Variants in SIRPB2 observed in about 807,000 individuals in gnomAD.
SIRPB2 encodes the protein signal regulatory protein beta 2, also known as signal-regulatory protein beta-2.
A neutral mutation model predicts 27.1 loss-of-function variants in SIRPB2; 18 were observed. That is an observed-to-expected ratio of 0.66 (90% CI 0.46 to 0.98). The LOEUF (loss-of-function observed/expected upper bound fraction) is 0.98, where lower values mean the gene tolerates loss of function less well. SIRPB2 is among the 50% of genes least tolerant of loss of function. The pLI is 0.00. For synonymous variants in SIRPB2, 150 were observed against 164.6 expected (o/e 0.91, Z 0.68); for missense variants, 420 against 417.4 (o/e 1.01, Z -0.06).
downstream of SIRPB2, among the ~76,000 whole-genome samples, chr20:1,474,346 G>A (rs1234504732): frequency 2.0e-5 from 3 of 152,172 alleles, no homozygotes; most frequent in African/African-American, 7.2e-5. Flanking sequence ...CTAATGTCTG[G>A]TAATTCAATA....
intron 3 of SIRPB2, 121 bp downstream of exon 3, chr20:1,478,145 A>G (rs1399954531): frequency 3.3e-6 from 3 of 917,192 alleles, no homozygotes; most frequent in Non-Finnish European, 5.2e-6. Flanking sequence ...TTCCAGGTAG[A>G]GGGAAAAACT....
chr20:1,484,606 A>G (rs1195853025), intron 1 of SIRPB2, among the ~76,000 whole-genome samples: 3 of 152,140 alleles, frequency 2.0e-5, no homozygotes, highest in African/African-American at 4.8e-5. Context: ...AATGCTCAAC[A>G]TTACTAATCA....
chr20:1,480,206 AAG>A (rs2090656133), intron 1 of SIRPB2, 141 bp from the exon 2 acceptor site: 1 of 1,170,804 alleles, frequency 8.5e-7, no homozygotes, highest in Non-Finnish European at 1.2e-6. Context: ...AGGGAAGGGA[AAG>A]AGGGGATGAG....
In SIRPB2 at chr20:1,478,625, G is replaced by T. The variant is rs766344350; in HGVS notation, c.452-18C>A. The T allele has an allele frequency of 6.5e-7, 1 of 1,530,584 alleles. No individual in the cohort carries two copies. Among genetic ancestry groups the T allele is most frequent in the East Asian group, 2.3e-5 (1 of 43,834 alleles). The allele number at this position is 1,530,584 out of a possible 1,614,324, so 94.8% of individuals were successfully genotyped here. ...CCCAGCTCCTGAAGCCAAAGAGGAG[G>T]TCCTTGTTGAATTCCCTCTCCTCTT... On this transcript the variant is annotated intron_variant, in intron 2 of 4. Transcript: ENST00000359801.
At chr20:1,482,233 T>C (rs1418058266) in intron 1 of SIRPB2, among the ~76,000 whole-genome samples, 7 of 152,326 alleles carry the variant, frequency 4.6e-5, no homozygotes, top group East Asian at 1.9e-4. Flanking sequence ...TTTCTATGTG[T>C]TGGGTACATT....
intron 1 of SIRPB2, among the ~76,000 whole-genome samples, chr20:1,481,106 T>C (rs941422950): frequency 2.1e-4 from 32 of 152,348 alleles, no homozygotes; most frequent in African/African-American, 7.5e-4. Flanking sequence ...TCACATGTAT[T>C]CCTTCTAAGA....
chr20:1,472,260 T>C (rs2090583026), downstream of SIRPB2, among the ~76,000 whole-genome samples: 1 of 152,194 alleles, frequency 6.6e-6, no homozygotes, highest in East Asian at 1.9e-4. Flanking sequence ...ACCCTTTCTA[T>C]CTGTGGTCAG....
intron 1 of SIRPB2, among the ~76,000 whole-genome samples, chr20:1,486,176 G>A (rs776190888): frequency 1.3e-5 from 2 of 151,182 alleles, no homozygotes; most frequent in Non-Finnish European, 2.9e-5. Flanking sequence ...AGGTTCAAGC[G>A]ATTCTCCTGC....
intron 1 of SIRPB2, among the ~76,000 whole-genome samples, chr20:1,487,968 A>C (rs2090742469): frequency 6.6e-6 from 1 of 152,246 alleles, no homozygotes; most frequent in Admixed American, 6.5e-5. Context: ...ACTAAACATA[A>C]AATGTTAAAC....
chr20:1,476,559 C>A, intron 4 of SIRPB2: 1 of 391,594 alleles, frequency 2.6e-6, no homozygotes, highest in Non-Finnish European at 3.5e-6. Context: ...ATCTCAGTCA[C>A]ATCCCTAACC....
Position 1,477,406 on chromosome 20 carries a change from G to T in SIRPB2, c.794-3C>A, listed in dbSNP as rs141844797. ...CTCTTTGGAAGAGGTAGATTTTGCT[G>T]CAAGGGAGAGAGGCTTTGTCATACT... On this transcript the variant is annotated splice_polypyrimidine_tract_variant and splice_region_variant and intron_variant, in intron 3 of 4. Transcript: ENST00000359801. 4 of 1,611,036 alleles carry T rather than the reference G, an allele frequency of 2.5e-6. No individual in the cohort carries two copies. The South Asian group carries it at 4.4e-5, about 18-fold the overall frequency.
chr20:1,473,943 G>A, downstream of SIRPB2: 1 of 450,628 alleles, frequency 2.2e-6, no homozygotes, highest in Non-Finnish European at 4.5e-6. Context: ...CAAGGTATTG[G>A]CAGGGCCACA....
At chr20:1,480,308 T>C in intron 1 of SIRPB2, 1 of 489,156 alleles carries the variant, frequency 2.0e-6, no homozygotes, top group Non-Finnish European at 3.6e-6. Flanking sequence ...TGCTGGGCCC[T>C]GCGTGCATGA....
downstream of SIRPB2, chr20:1,470,945 G>A (rs2090579620): frequency 6.6e-6 from 1 of 152,170 alleles, no homozygotes; most frequent in South Asian, 2.1e-4. Context: ...AGAGTGTACT[G>A]TCTCTTTAAA....
intron 1 of SIRPB2, among the ~76,000 whole-genome samples, chr20:1,483,081 G>T (rs1268728191): frequency 6.6e-6 from 1 of 151,414 alleles, no homozygotes; most frequent in Non-Finnish European, 1.5e-5. Context: ...TAGTGTATAA[G>T]AGTTCCCTTT....
At chr20:1,471,399 C>T (rs1287233760), downstream of SIRPB2, among the ~76,000 whole-genome samples, 1 of 152,144 alleles carries the variant, frequency 6.6e-6, no homozygotes, top group Non-Finnish European at 1.5e-5. Context: ...CAACAGAAAT[C>T]ACAAATGTAA....
Position 1,479,977 on chromosome 20 carries a change from C to T in SIRPB2, c.174G>A (p.Leu58=). The T allele has an allele frequency of 6.2e-7, 1 of 1,614,222 alleles. No homozygotes were observed. The highest frequency in any genetic ancestry group is 8.5e-7 in the Non-Finnish European group (1 of 1,180,052). ...TGCAGGAGCCGACCACCATACACCT[C>T]AGTAGAAGTGTCTCACCTTCTGCCA... ...MLVAEGETLL[L]RCMVVGSCTD... is the part of the protein sequence containing the mutation. The change falls in exon 2 of 5, where the codon CTG becomes CTA. Residue 58 remains leucine (L), a synonymous_variant. Coordinates refer to ENST00000359801, the MANE Select transcript of SIRPB2 (RefSeq NM_001122962.2).
At chr20:1,477,698 G>T (rs138099984) in intron 3 of SIRPB2, among the ~76,000 whole-genome samples, 1 of 152,116 alleles carries the variant, frequency 6.6e-6, no homozygotes, top group Non-Finnish European at 1.5e-5. Flanking sequence ...TTTTTGAGAC[G>T]GAGTTTTGCT....
intron 3 of SIRPB2, among the ~76,000 whole-genome samples, chr20:1,477,732 A>G (rs1009660124): frequency 6.6e-6 from 1 of 152,170 alleles, no homozygotes; most frequent in African/African-American, 2.4e-5. Flanking sequence ...CTGGAGTACA[A>G]GGGTGCGATC....
Sources: gnomAD v4.1 joint callset for allele counts (sites outside exome capture counted in the v4.1 genomes callset) on GRCh38, gnomAD v4.1.1 for gene constraint, MANE v1.5 for transcripts, NCBI Gene and HGNC (gene_info 2026-07-23, HGNC 2026-07-21) for gene names.